Variants in SAMD5 observed in about 807,000 individuals in gnomAD.
The protein encoded by SAMD5 is sterile alpha motif domain-containing protein 5.
In SAMD5, 13 loss-of-function variants were observed where a neutral mutation model predicts 11.3. The observed-to-expected ratio is 1.15, with a 90% CI of 0.75 to 1.83. The LOEUF is 1.83. SAMD5 is among the 40% of genes most tolerant of loss of function. SAMD5 has a pLI of 0.00. For synonymous variants in SAMD5, 129 were observed against 111.3 expected, an observed-to-expected ratio of 1.16 and a Z score of -1.00; for missense variants, 255 against 239.1, an observed-to-expected ratio of 1.07 and a Z score of -0.44.
At chr6:147,765,642 TAGTC>T in the SAMD5 span, among the ~76,000 whole-genome samples, 1 of 152,144 alleles carries the variant, frequency 6.6e-6, no homozygotes, top group African/African-American at 2.4e-5. Context: ...ACCAAGAAAT[TAGTC>T]AGCATGTTCC....
chr6:147,541,547 C>T (rs531657750), intron 1 of SAMD5, among the ~76,000 whole-genome samples: 1 of 152,226 alleles, frequency 6.6e-6, no homozygotes, highest in Non-Finnish European at 1.5e-5. Context: ...AGGCAAAGAG[C>T]AGATAGTTAC....
intron 1 of SAMD5, among the ~76,000 whole-genome samples, chr6:147,545,755 A>G (rs1788675587): frequency 6.6e-6 from 1 of 152,212 alleles, no homozygotes; most frequent in Admixed American, 6.5e-5. Flanking sequence ...TAAAACACAG[A>G]CACACACATA....
chr6:147,518,239 T>G (rs1278476761), intron 1 of SAMD5, among the ~76,000 whole-genome samples: 1 of 152,174 alleles, frequency 6.6e-6, no homozygotes, highest in African/African-American at 2.4e-5. Flanking sequence ...CCTTCTGTTC[T>G]TAGAAAGCCC....
At chr6:147,888,132 A>G in the SAMD5 span, among the ~76,000 whole-genome samples, 1 of 152,250 alleles carries the variant, frequency 6.6e-6, no homozygotes, top group South Asian at 2.1e-4. Flanking sequence ...AGTATATTCT[A>G]AAGAGCATCA....
At chr6:147,710,821 C>CA (rs397824807) in intron 1 of SAMD5, among the ~76,000 whole-genome samples, 2 of 151,692 alleles carry the variant, frequency 1.3e-5, no homozygotes, top group South Asian at 2.1e-4. Flanking sequence ...ATGTATCCCC[C>CA]CTGGATAAGG....
At chr6:147,826,185 T>G in the SAMD5 span, among the ~76,000 whole-genome samples, 1 of 152,272 alleles carries the variant, frequency 6.6e-6, no homozygotes, top group African/African-American at 2.4e-5. Flanking sequence ...ATAGCTAATG[T>G]GCATTTTAGA....
the SAMD5 span, among the ~76,000 whole-genome samples, chr6:147,810,141 A>C: frequency 6.6e-6 from 1 of 152,222 alleles, no homozygotes; most frequent in Non-Finnish European, 1.5e-5. Context: ...TTTTACGATG[A>C]AGATAAGTTT....
At chr6:147,828,095 A>G in the SAMD5 span, among the ~76,000 whole-genome samples, 1 of 152,086 alleles carries the variant, frequency 6.6e-6, no homozygotes. Context: ...CCAACGTGAC[A>G]TTCTATACCC....
chr6:147,741,523 A>G (rs963466095), downstream of SAMD5: 2 of 152,182 alleles, frequency 1.3e-5, no homozygotes, highest in African/African-American at 4.8e-5. Context: ...CATGCGGATT[A>G]ACATAAAAAG....
At chr6:147,938,813 T>C in the SAMD5 span, among the ~76,000 whole-genome samples, 1 of 152,192 alleles carries the variant, frequency 6.6e-6, no homozygotes, top group East Asian at 1.9e-4. Flanking sequence ...CTGTTTTTAC[T>C]CTCAGCACTT....
At chr6:147,944,470 A>G in the SAMD5 span, among the ~76,000 whole-genome samples, 1 of 152,166 alleles carries the variant, frequency 6.6e-6, no homozygotes, top group African/African-American at 2.4e-5. Flanking sequence ...CAGCATGGGA[A>G]AGACCCACCC....
rs541367809 is a variant in SAMD5, at chr6:147,652,102, A to G, written c.163-85215A>G. On this transcript the variant is annotated intron_variant, in intron 1 of 1. Transcript: ENST00000566741. ...GTCAAAATGTAGGGACAGAAAATGA[A>G]AGGAGACAAAGGTGCATTTCTTACA... is the stretch of plus-strand genomic sequence containing the variant. Among the ~76,000 whole-genome samples the G allele has an allele frequency of 1.2e-3, 188 of 152,338 alleles. 1 individual carries two copies. The highest frequency in any genetic ancestry group is 6.2e-4 in the Non-Finnish European group (42 of 68,036).
At chr6:147,777,328 G>A in the SAMD5 span, among the ~76,000 whole-genome samples, 5 of 152,138 alleles carry the variant, frequency 3.3e-5, no homozygotes, top group Non-Finnish European at 7.4e-5. Context: ...TAATATAAGG[G>A]TTCCTGATCC....
At chr6:147,946,864 A>G in the SAMD5 span, among the ~76,000 whole-genome samples, 1 of 152,350 alleles carries the variant, frequency 6.6e-6, no homozygotes, top group Non-Finnish European at 1.5e-5. Flanking sequence ...TAACTTGACA[A>G]TTCTGAATAT....
intron 1 of SAMD5, among the ~76,000 whole-genome samples, chr6:147,666,199 A>G (rs1404041557): frequency 6.6e-6 from 1 of 152,194 alleles, no homozygotes; most frequent in Non-Finnish European, 1.5e-5. Context: ...AGTCTCCCGA[A>G]GTGCTCGGAT....
At chr6:147,764,223 A>G in the SAMD5 span, among the ~76,000 whole-genome samples, 2 of 152,212 alleles carry the variant, frequency 1.3e-5, no homozygotes, top group African/African-American at 4.8e-5. Flanking sequence ...CATAGTGTAC[A>G]TATTATCTGA....
chr6:147,760,642 T>C, the SAMD5 span, among the ~76,000 whole-genome samples: 1 of 152,200 alleles, frequency 6.6e-6, no homozygotes, highest in Non-Finnish European at 1.5e-5. Context: ...GCACTGATGT[T>C]GAATTTAAGT....
the SAMD5 span, among the ~76,000 whole-genome samples, chr6:147,906,171 A>G: frequency 6.6e-6 from 1 of 152,244 alleles, no homozygotes; most frequent in Non-Finnish European, 1.5e-5. Flanking sequence ...ATTTTTCACC[A>G]TAGATATTTT....
chr6:147,942,624 C>T, the SAMD5 span, among the ~76,000 whole-genome samples: 2 of 152,160 alleles, frequency 1.3e-5, no homozygotes, highest in Non-Finnish European at 1.5e-5. Flanking sequence ...CTGATCTGTT[C>T]ATCCTTGGCT....
Sources: gnomAD v4.1 joint callset for allele counts (sites outside exome capture counted in the v4.1 genomes callset) on GRCh38, gnomAD v4.1.1 for gene constraint, MANE v1.5 for transcripts, NCBI Gene and HGNC (gene_info 2026-07-23, HGNC 2026-07-21) for gene names.